Variants in COP1 observed in about 807,000 individuals in gnomAD.
The protein encoded by COP1 is COP1 E3 ubiquitin ligase, also known as E3 ubiquitin-protein ligase COP1.
COP1 carries 24 observed loss-of-function variants against 101.3 expected under a neutral mutation model. The observed-to-expected ratio is 0.24, with a 90% CI of 0.17 to 0.33. COP1 has a LOEUF of 0.33. Among genes scored for constraint, COP1 ranks in the 10% least tolerant of loss-of-function variants. The pLI, the probability that COP1 is intolerant of heterozygous loss-of-function variation, is 1.00. For missense variants in COP1, 663 were observed against 906.2 expected (o/e 0.73, Z 3.45); for synonymous variants, 347 against 341.9 (o/e 1.01, Z -0.17).
intron 11 of COP1, among the ~76,000 whole-genome samples, chr1:176,055,738 G>A (rs2149260826): frequency 6.6e-6 from 1 of 152,202 alleles, no homozygotes; most frequent in African/African-American, 2.4e-5. Flanking sequence ...ACCTGATTAG[G>A]TTGACTAACA....
At position 176,098,844 on chromosome 1, in the gene COP1, T is replaced by A. The variant is rs187230395; in HGVS notation, c.1027-12954A>T. ...ACTTCAGTTTCAAAATTGTCTTTCC[T>A]GATGCCTAGCTTTTGGATGCTGCAG... On this transcript the variant is annotated intron_variant, in intron 9 of 19. Transcript: ENST00000367669. Among the ~76,000 whole-genome samples, 11 of 152,360 alleles carry A rather than the reference T, an allele frequency of 7.2e-5. No homozygotes were observed. The East Asian group carries it at 2.1e-3, about 29-fold the overall frequency.
chr1:176,071,755 T>G (rs2149352057), intron 11 of COP1, among the ~76,000 whole-genome samples: 1 of 152,336 alleles, frequency 6.6e-6, no homozygotes, highest in Admixed American at 6.5e-5. Context: ...AGACGTAAGT[T>G]CTACTTTTAT....
At chr1:175,970,273 G>A (rs1342271467) in intron 18 of COP1, among the ~76,000 whole-genome samples, 1 of 152,156 alleles carries the variant, frequency 6.6e-6, no homozygotes, top group African/African-American at 2.4e-5. Context: ...AAGAGAAGCA[G>A]TGATTGGGCT....
intron 14 of COP1, among the ~76,000 whole-genome samples, chr1:176,037,079 T>A (rs1669687201): frequency 6.6e-6 from 1 of 152,114 alleles, no homozygotes. Context: ...CCCAGAAAGC[T>A]TCACTGACAA....
At chr1:175,979,496 C>A (rs1442045546) in intron 18 of COP1, among the ~76,000 whole-genome samples, 1 of 77,908 alleles carries the variant, frequency 1.3e-5, no homozygotes. Flanking sequence ...GTAGATATGC[C>A]TTTAAAAAAA....
chr1:176,152,276 T>G (rs955776114), intron 5 of COP1, among the ~76,000 whole-genome samples: 4 of 151,468 alleles, frequency 2.6e-5, no homozygotes, highest in African/African-American at 9.7e-5. Flanking sequence ...AAAAAAAAAA[T>G]TATACATAAT....
At chr1:175,948,235 A>T (rs1167461932) in intron 18 of COP1, among the ~76,000 whole-genome samples, 1 of 152,232 alleles carries the variant, frequency 6.6e-6, no homozygotes, top group Non-Finnish European at 1.5e-5. Context: ...AGAATCTCAG[A>T]AAGTAGGAAG....
chr1:176,096,542 C>A (rs1334082456), intron 9 of COP1, among the ~76,000 whole-genome samples: 1 of 152,228 alleles, frequency 6.6e-6, no homozygotes, highest in South Asian at 2.1e-4. Flanking sequence ...GGCCAGACTA[C>A]CATTGGTCTG....
At chr1:175,997,801 G>T (rs1210930783) in intron 15 of COP1, among the ~76,000 whole-genome samples, 1 of 151,994 alleles carries the variant, frequency 6.6e-6, no homozygotes, top group African/African-American at 2.4e-5. Flanking sequence ...ACTGTTGGTG[G>T]GACTGTAAAC....
chr1:176,206,279 T>C (rs1173060814), intron 1 of COP1: 6 of 415,898 alleles, frequency 1.4e-5, no homozygotes, highest in East Asian at 4.8e-5. Flanking sequence ...AACCATTTAT[T>C]TGACCTTCCA....
intron 18 of COP1, among the ~76,000 whole-genome samples, chr1:175,982,663 G>A (rs1412269574): frequency 6.6e-6 from 1 of 152,148 alleles, no homozygotes; most frequent in Non-Finnish European, 1.5e-5. Flanking sequence ...TCAACTGAGT[G>A]GAGGGTCAGT....
Position 176,112,236 on chromosome 1 carries a change from A to AAG in COP1, c.1026+4387_1026+4388insCT, listed in dbSNP as rs796512853. The stretch of plus-strand genomic sequence containing the variant: ...CTAAAATATTTCCAAAAAAAAAAAA[A>AAG]ATTCTGATTGTTTTTCTTTTTCCTC... On this transcript the variant is annotated intron_variant, in intron 9 of 19. Coordinates refer to ENST00000367669, the MANE Select transcript of COP1 (RefSeq NM_022457.7). 2.5e-3 allele frequency among the ~76,000 whole-genome samples: 382 copies of AAG among 151,868 alleles called. 3 individuals are homozygous for AAG. Among genetic ancestry groups the AAG allele is most frequent in the African/African-American group, 8.8e-3 (364 of 41,462 alleles).
At chr1:176,065,292 A>G (rs1209320764) in intron 11 of COP1, among the ~76,000 whole-genome samples, 1 of 152,202 alleles carries the variant, frequency 6.6e-6, no homozygotes. Flanking sequence ...AAAAAACTGA[A>G]ATAGTATATG....
At chr1:176,147,843 T>C (rs912147969) in intron 6 of COP1, among the ~76,000 whole-genome samples, 13 of 152,318 alleles carry the variant, frequency 8.5e-5, no homozygotes, top group Admixed American at 8.5e-4. Flanking sequence ...GAAATGCAGA[T>C]TGCCAGGCTC....
chr1:176,060,085 T>C (rs1426605078), intron 11 of COP1, among the ~76,000 whole-genome samples: 1 of 152,228 alleles, frequency 6.6e-6, no homozygotes, highest in African/African-American at 2.4e-5. Context: ...TTAAAGTCTA[T>C]GCATATTTTT....
chr1:176,038,817 C>CAAAAAAAAAAAAAAAAAAAAAAAA (rs57682179), intron 14 of COP1, among the ~76,000 whole-genome samples: 1 of 133,716 alleles, frequency 7.5e-6, no homozygotes. Flanking sequence ...GACTCCATCT[C>CAAAAAAAAAAAAAAAAAAAAAAAA]AAAAAAAAAA....
At chr1:176,199,190 G>A (rs895869909) in intron 1 of COP1, among the ~76,000 whole-genome samples, 10 of 151,996 alleles carry the variant, frequency 6.6e-5, no homozygotes, top group Admixed American at 2.0e-4. Flanking sequence ...GGTGGCGGGC[G>A]CCTGTAATCC....
chr1:176,002,394 G>C (rs555406281), intron 15 of COP1, among the ~76,000 whole-genome samples: 1 of 151,746 alleles, frequency 6.6e-6, no homozygotes, highest in Non-Finnish European at 1.5e-5. Context: ...TAGGGTACAT[G>C]TGCACATAGT....
chr1:176,002,732 A>G (rs1465881882), intron 15 of COP1, among the ~76,000 whole-genome samples: 2 of 147,940 alleles, frequency 1.4e-5, no homozygotes, highest in Non-Finnish European at 3.0e-5. Context: ...TATATGTGCC[A>G]CATTTTCTTA....
Sources: gnomAD v4.1 joint callset for allele counts (sites outside exome capture counted in the v4.1 genomes callset) on GRCh38, gnomAD v4.1.1 for gene constraint, MANE v1.5 for transcripts, NCBI Gene and HGNC (gene_info 2026-07-23, HGNC 2026-07-21) for gene names.